Variants in ITGB3BP observed in about 807,000 individuals in gnomAD.
ITGB3BP encodes the protein integrin subunit beta 3 binding protein, also known as centromere protein R.
In ITGB3BP, 27 loss-of-function variants were observed where a neutral mutation model predicts 29.1. That is an observed-to-expected ratio of 0.93 (90% CI 0.68 to 1.28). ITGB3BP has a LOEUF of 1.28. ITGB3BP is among the 50% of genes most tolerant of loss of function. The probability of loss-of-function intolerance (pLI) is 0.00; values close to 1 mark genes in which losing one functional copy is unlikely to be tolerated. For synonymous variants in ITGB3BP, 61 were observed against 61.4 expected, an observed-to-expected ratio of 0.99 and a Z score of 0.03; for missense variants, 192 against 200.2, an observed-to-expected ratio of 0.96 and a Z score of 0.25.
At chr1:63,479,924 T>C (rs1645408456) in intron 3 of ITGB3BP, among the ~76,000 whole-genome samples, 1 of 152,170 alleles carries the variant, frequency 6.6e-6, no homozygotes, top group African/African-American at 2.4e-5. Context: ...AGATATTTCT[T>C]TGACATACTG....
At chr1:63,509,185 G>C (rs1308349957) in intron 1 of ITGB3BP, among the ~76,000 whole-genome samples, 2 of 152,210 alleles carry the variant, frequency 1.3e-5, no homozygotes, top group African/African-American at 4.8e-5. Context: ...CAGGCTCTCT[G>C]TGTGCAAAAT....
At chr1:63,467,418 C>T (rs1645116639) in intron 4 of ITGB3BP, among the ~76,000 whole-genome samples, 1 of 151,692 alleles carries the variant, frequency 6.6e-6, no homozygotes, top group African/African-American at 2.4e-5. Context: ...GGCATGATCA[C>T]CACTCACTGC....
intron 1 of ITGB3BP, among the ~76,000 whole-genome samples, chr1:63,519,739 A>T (rs1406592481): frequency 6.6e-6 from 1 of 152,092 alleles, no homozygotes; most frequent in Non-Finnish European, 1.5e-5. Context: ...CCCACAAAAT[A>T]AAAATCATTG....
At chr1:63,456,186 A>C (rs1557611754) in intron 4 of ITGB3BP, among the ~76,000 whole-genome samples, 1 of 152,202 alleles carries the variant, frequency 6.6e-6, no homozygotes, top group Non-Finnish European at 1.5e-5. Context: ...AAATAAGACA[A>C]ATATGTTAAA....
intron 4 of ITGB3BP, among the ~76,000 whole-genome samples, chr1:63,473,333 G>A (rs535247773): frequency 4.3e-4 from 65 of 151,498 alleles, no homozygotes; most frequent in Non-Finnish European, 6.8e-4. Flanking sequence ...CACCCCGTCC[G>A]GGAGGGAGGT....
At chr1:63,464,422 G>A (rs1305894347) in intron 4 of ITGB3BP, among the ~76,000 whole-genome samples, 1 of 152,186 alleles carries the variant, frequency 6.6e-6, no homozygotes, top group African/African-American at 2.4e-5. Flanking sequence ...TTAGGAGACA[G>A]AGATTTAGAT....
At chr1:63,471,661 A>G (rs1037070071) in intron 4 of ITGB3BP, among the ~76,000 whole-genome samples, 1 of 152,246 alleles carries the variant, frequency 6.6e-6, no homozygotes, top group Non-Finnish European at 1.5e-5. Flanking sequence ...TCCCATGCTG[A>G]TAACAAATAA....
intron 2 of ITGB3BP, 68 bp downstream of exon 2, chr1:63,508,460 G>A: frequency 1.4e-6 from 1 of 694,470 alleles, no homozygotes; most frequent in Non-Finnish European, 2.4e-6. Context: ...TATTTAACGA[G>A]ATAAATCAGT....
intron 1 of ITGB3BP, among the ~76,000 whole-genome samples, chr1:63,515,917 A>G (rs1239389855): frequency 1.3e-5 from 2 of 151,854 alleles, no homozygotes; most frequent in Non-Finnish European, 2.9e-5. Flanking sequence ...ATTATATCAA[A>G]AAGACAAATG....
intron 4 of ITGB3BP, among the ~76,000 whole-genome samples, chr1:63,474,915 TA>T (rs1477732573): frequency 7.3e-4 from 12 of 16,374 alleles, no homozygotes; most frequent in Non-Finnish European, 1.8e-3. Flanking sequence ...ATAAATAAAA[TA>T]AAAACAAAAC....
chr1:63,493,437 CAAACAAACAAACAAACA>C, intron 2 of ITGB3BP, among the ~76,000 whole-genome samples: 1 of 151,686 alleles, frequency 6.6e-6, no homozygotes, highest in Non-Finnish European at 1.5e-5. Flanking sequence ...AACAAACAAA[CAAACAAACAAACAAACA>C]AACCTGCTTG....
At chr1:63,526,333 GAT>G (rs1347947689), upstream of ITGB3BP, among the ~76,000 whole-genome samples, 1 of 152,062 alleles carries the variant, frequency 6.6e-6, no homozygotes, top group Admixed American at 6.5e-5. Context: ...AGTATCAAAT[GAT>G]TTGGACATCT....
At chr1:63,485,897 G>C (rs1015102839) in intron 3 of ITGB3BP, among the ~76,000 whole-genome samples, 4 of 151,936 alleles carry the variant, frequency 2.6e-5, no homozygotes, top group African/African-American at 9.7e-5. Context: ...GATATAACTA[G>C]ATGTGGATCT....
Position 63,478,761 on chromosome 1 carries a change from TACTC to T in ITGB3BP, c.253_254+2del, listed in dbSNP as rs752425507. The T allele has an allele frequency of 2.2e-6, 3 of 1,388,736 alleles. No homozygotes were observed. Among genetic ancestry groups the T allele is most frequent in the South Asian group, 1.4e-5 (1 of 73,966 alleles). The allele number at this position is 1,388,736 out of a possible 1,614,324, so 86.0% of individuals were successfully genotyped here. A position where few individuals can be genotyped will look rare whatever the true frequency, so the allele number is the denominator to read the frequency against. On this transcript the variant is annotated splice_donor_variant and coding_sequence_variant, in exon 4 of 9. Coordinates refer to ENST00000271002, the MANE Select transcript of ITGB3BP (RefSeq NM_014288.5). LOFTEE classifies it high-confidence loss of function. ...TATATAATTTCAAAAATAACAAACTTACTCATCATTGTCTTTTGTTGTAGATTCT... is the reference window on the plus strand; with the variant it reads ...TATATAATTTCAAAAATAACAAACTTATCATTGTCTTTTGTTGTAGATTCT...
chr1:63,496,237 T>C lies in ITGB3BP; in HGVS notation c.49-6019A>G, dbSNP rs1041558318. 8.6e-5 allele frequency among the ~76,000 whole-genome samples: 13 copies of C among 152,000 alleles called. No homozygotes were observed. The East Asian group carries it at 2.5e-3, about 29-fold the overall frequency. ...CCTCCTGAGTAATTGGGACGACAGG[T>C]GCGCACCACCATGCCTGGCTAATTT... On this transcript the variant is annotated intron_variant, in intron 2 of 8. Transcript: ENST00000271002.
chr1:63,513,806 AT>A (rs1186195623), intron 1 of ITGB3BP, among the ~76,000 whole-genome samples: 1 of 152,228 alleles, frequency 6.6e-6, no homozygotes. Flanking sequence ...CCTAGAACAC[AT>A]AAAAACTAGT....
intron 8 of ITGB3BP, among the ~76,000 whole-genome samples, chr1:63,445,240 C>T (rs946445897): frequency 1.3e-5 from 2 of 152,184 alleles, no homozygotes; most frequent in South Asian, 2.1e-4. Context: ...GAGCCGAGAT[C>T]GTGCCACTGC....
At chr1:63,459,802 A>G (rs1447649502) in intron 4 of ITGB3BP, among the ~76,000 whole-genome samples, 1 of 152,158 alleles carries the variant, frequency 6.6e-6, no homozygotes, top group Admixed American at 6.5e-5. Context: ...AATATTTCCA[A>G]AAGTGTAATT....
intron 2 of ITGB3BP, among the ~76,000 whole-genome samples, chr1:63,500,115 C>T (rs6679670): frequency 0.2 from 29,769 of 152,136 alleles, 3,213 homozygotes; most frequent in African/African-American, 0.29. Flanking sequence ...CTGTGACTCA[C>T]GCCTGTAATC....
Sources: gnomAD v4.1 joint callset for allele counts (sites outside exome capture counted in the v4.1 genomes callset) on GRCh38, gnomAD v4.1.1 for gene constraint, MANE v1.5 for transcripts, NCBI Gene and HGNC (gene_info 2026-07-23, HGNC 2026-07-21) for gene names.